The following MAST4 variants were observed in gnomAD, a reference collection of about 807,000 sequenced individuals.
MAST4 encodes the protein microtubule-associated serine/threonine-protein kinase 4.
A neutral mutation model predicts 162.7 loss-of-function variants in MAST4; 89 were observed. The ratio of observed to expected loss-of-function variants is 0.55; its 90% CI spans 0.46 to 0.65. MAST4 has a LOEUF of 0.65. Ranked by LOEUF, MAST4 falls within the 30% of genes least tolerant of loss-of-function variation. The pLI, the probability that MAST4 is intolerant of heterozygous loss-of-function variation, is 0.00. For missense variants in MAST4, 3,153 were observed against 3,374.0 expected, an observed-to-expected ratio of 0.93 and a Z score of 1.62; for synonymous variants, 1,479 against 1,361.1, an observed-to-expected ratio of 1.09 and a Z score of -1.91.
chr5:67,089,299 G>C (rs1035055042), intron 5 of MAST4, among the ~76,000 whole-genome samples: 1 of 152,136 alleles, frequency 6.6e-6, no homozygotes, highest in South Asian at 2.1e-4. Context: ...ACTTGCCCTC[G>C]CCAGCTGCTG....
intron 4 of MAST4, among the ~76,000 whole-genome samples, chr5:66,948,734 A>C (rs1260041835): frequency 6.6e-6 from 1 of 152,180 alleles, no homozygotes; most frequent in Non-Finnish European, 1.5e-5. Flanking sequence ...TGGGTAAATA[A>C]GCCATCTGGA....
intron 3 of MAST4, among the ~76,000 whole-genome samples, chr5:66,856,895 A>G (rs1759725975): frequency 6.6e-6 from 1 of 152,260 alleles, no homozygotes; most frequent in African/African-American, 2.4e-5. Context: ...AATGCTGAAT[A>G]ACATAGAGAA....
chr5:66,729,060 G>C (rs1040702609), intron 1 of MAST4, among the ~76,000 whole-genome samples: 6 of 152,158 alleles, frequency 3.9e-5, no homozygotes, highest in Non-Finnish European at 8.8e-5. Flanking sequence ...GCAAAACCAC[G>C]TAATAGTGAG....
intron 1 of MAST4, among the ~76,000 whole-genome samples, chr5:66,717,080 G>T (rs777035710): frequency 6.6e-6 from 1 of 152,154 alleles, no homozygotes; most frequent in Non-Finnish European, 1.5e-5. Context: ...ATGGCACACT[G>T]GACCCTGAAG....
chr5:66,984,829 C>T (rs1749287914), intron 4 of MAST4, among the ~76,000 whole-genome samples: 2 of 152,010 alleles, frequency 1.3e-5, no homozygotes, highest in African/African-American at 2.4e-5. Context: ...ACTGGATGAA[C>T]AGAAGATCAC....
intron 4 of MAST4, among the ~76,000 whole-genome samples, chr5:66,996,228 G>A (rs552250957): frequency 8.4e-4 from 128 of 152,178 alleles, no homozygotes; most frequent in African/African-American, 2.9e-3. Context: ...GCAGTGAGTC[G>A]AGATCGTGCC....
chr5:66,647,067 TA>T (rs1745888114), intron 1 of MAST4, among the ~76,000 whole-genome samples: 1 of 152,182 alleles, frequency 6.6e-6, no homozygotes, highest in Non-Finnish European at 1.5e-5. Flanking sequence ...TAACTGGCCA[TA>T]ATATTATAGG....
chr5:67,094,776 A>G (rs1248255542), intron 6 of MAST4, among the ~76,000 whole-genome samples: 1 of 152,148 alleles, frequency 6.6e-6, no homozygotes, highest in Non-Finnish European at 1.5e-5. Context: ...CCAAACTCCA[A>G]CTGAGAAACC....
chr5:67,002,846 C>T (rs1751446965), intron 4 of MAST4, among the ~76,000 whole-genome samples: 1 of 151,802 alleles, frequency 6.6e-6, no homozygotes, highest in Admixed American at 6.6e-5. Context: ...TATCACCCCT[C>T]TCAGAGAAGC....
chr5:66,988,648 A>G (rs1479179171), intron 4 of MAST4, among the ~76,000 whole-genome samples: 2 of 152,196 alleles, frequency 1.3e-5, no homozygotes, highest in Admixed American at 6.5e-5. Context: ...AACTACTGAT[A>G]TTGTGGTTAA....
chr5:66,826,651 C>T (rs957587780), intron 3 of MAST4, among the ~76,000 whole-genome samples: 1 of 151,830 alleles, frequency 6.6e-6, no homozygotes, highest in African/African-American at 2.4e-5. Context: ...AATTTGTTGC[C>T]CTCCTCTAGA....
Position 67,164,531 on chromosome 5 carries a change from C to A in MAST4, c.5352C>A (p.Ser1784Arg). ...CTCCTGAGTCCCCTGTTAGGAAGAG[C>A]CCCTCCGAGTATAAGCTGGAAGGTA... ...LVAPESPVRK[S>R]PSEYKLEGRS... is the part of the protein sequence containing the mutation. The change falls in exon 29 of 29, where the codon AGC becomes AGA. Residue 1784 changes from serine to arginine, a missense_variant. This residue lies in a region of MAST4 where 1,644 missense variants were observed against 1,495.0 expected (regional missense o/e 1.10). Coordinates refer to ENST00000403625, the MANE Select transcript of MAST4 (RefSeq NM_001164664.2). This position sits in a 1 kb window ranked among gnomAD's most constrained non-coding sequence, Gnocchi z 5.3. 1 of 1,613,990 alleles carries A rather than the reference C, an allele frequency of 6.2e-7. No individual in the cohort carries two copies. The highest frequency in any genetic ancestry group is 8.5e-7 in the Non-Finnish European group (1 of 1,179,882).
Position 67,100,486 on chromosome 5 carries a change from C to G in MAST4, c.964C>G (p.Pro322Ala). Residue 322 changes from proline (P) to alanine (A), a missense_variant, in exon 8 of 29, where the codon CCA becomes GCA. Around this residue, in one of 7 missense-constraint regions of MAST4, gnomAD observed 360 missense variants for 450.0 expected, o/e 0.80. Coordinates refer to ENST00000403625, the MANE Select transcript of MAST4 (RefSeq NM_001164664.2). ...GCATCAGTTACCATACCAACCAACA[C>G]CAGACGAGTTACACTTCTTATCAAA... ...KLHQLPYQPTPDELHFLSKHF... is the reference protein window; with the variant it reads ...KLHQLPYQPTADELHFLSKHF... 2 of 1,613,916 alleles carry G rather than the reference C, an allele frequency of 1.2e-6. No individual in the cohort carries two copies. Among genetic ancestry groups the G allele is most frequent in the South Asian group, 1.1e-5 (1 of 91,068 alleles).
At chr5:66,906,035 C>T (rs1021873681) in intron 4 of MAST4, among the ~76,000 whole-genome samples, 1 of 152,134 alleles carries the variant, frequency 6.6e-6, no homozygotes, top group East Asian at 1.9e-4. Flanking sequence ...ATTTGCAGAG[C>T]CATTTAAAAA....
intron 3 of MAST4, among the ~76,000 whole-genome samples, chr5:66,838,346 T>C (rs779939263): frequency 6.6e-6 from 1 of 152,190 alleles, no homozygotes; most frequent in Non-Finnish European, 1.5e-5. Context: ...GCTTTTTTGA[T>C]GAGGCAGTCA....
At chr5:67,000,748 A>T (rs192435232) in intron 4 of MAST4, among the ~76,000 whole-genome samples, 7 of 140,152 alleles carry the variant, frequency 5.0e-5, no homozygotes, top group Non-Finnish European at 7.9e-5. Context: ...AACTCTGTCT[A>T]AAAAAAAAGG....
chr5:67,117,667 ATATT>A (rs1207702403), intron 12 of MAST4, among the ~76,000 whole-genome samples: 1 of 152,044 alleles, frequency 6.6e-6, no homozygotes, highest in African/African-American at 2.4e-5. Context: ...AAAGAAGAAA[ATATT>A]AATTATCTGT....
chr5:67,118,699 A>G lies in MAST4; in HGVS notation c.1609A>G (p.Asn537Asp), dbSNP rs1361435447. 6.3e-7 allele frequency: 1 copy of G among 1,575,470 alleles called. No individual in the cohort carries two copies. The highest frequency in any genetic ancestry group is 1.2e-5 in the South Asian group (1 of 85,754). ...DPLEEMAHLG[N>D]YDSGTAETPE... ...CAACTTAGAAATGGCTCATTTGGGA[A>G]ACTACGATAGTGGGACAGCAGAAAC... is the stretch of plus-strand genomic sequence containing the variant. The change falls in exon 13 of 29, where the codon AAC becomes GAC. Residue 537 changes from asparagine to aspartate, a missense_variant. Coordinates refer to ENST00000403625, the MANE Select transcript of MAST4 (RefSeq NM_001164664.2).
At chr5:66,637,991 C>T (rs1275029673) in intron 1 of MAST4, among the ~76,000 whole-genome samples, 1 of 152,196 alleles carries the variant, frequency 6.6e-6, no homozygotes, top group East Asian at 1.9e-4. Flanking sequence ...ACATGAGCCA[C>T]CATGCCGAGC....
Sources: allele counts gnomAD v4.1 joint callset (sites outside exome capture counted in the v4.1 genomes callset), GRCh38; gene constraint gnomAD v4.1.1; regional missense constraint gnomAD v4.1.1; non-coding constraint Gnocchi (gnomAD v3.1); transcripts MANE v1.5; gene names NCBI Gene and HGNC (gene_info 2026-07-23, HGNC 2026-07-21).